Variants in DYM observed in about 807,000 individuals in gnomAD.
The protein encoded by DYM is dyggve-Melchior-Clausen syndrome protein.
A neutral mutation model predicts 93.1 loss-of-function variants in DYM; 78 were observed. The ratio of observed to expected loss-of-function variants is 0.84; its 90% CI spans 0.70 to 1.01. DYM has a LOEUF of 1.01. DYM is among the 50% of genes least tolerant of loss of function. DYM has a pLI of 0.00. For synonymous variants in DYM, 321 were observed against 319.7 expected (o/e 1.00, Z -0.04); for missense variants, 789 against 845.0 (o/e 0.93, Z 0.82).
chr18:49,213,551 G>C (rs901433397), intron 13 of DYM, among the ~76,000 whole-genome samples: 2 of 152,000 alleles, frequency 1.3e-5, no homozygotes, highest in African/African-American at 4.8e-5. Flanking sequence ...CCTGACCTCA[G>C]GCAATCCACC....
chr18:49,158,616 T>TA (rs1290003261), intron 15 of DYM, among the ~76,000 whole-genome samples: 2 of 152,172 alleles, frequency 1.3e-5, no homozygotes, highest in Non-Finnish European at 2.9e-5. Context: ...CAAGAACTAA[T>TA]ACCATTATTC....
intron 8 of DYM, among the ~76,000 whole-genome samples, chr18:49,295,574 A>C: frequency 6.6e-6 from 1 of 152,158 alleles, no homozygotes; most frequent in East Asian, 1.9e-4. Flanking sequence ...GATTGGAGGA[A>C]CTTTGGTCCC....
intron 14 of DYM, among the ~76,000 whole-genome samples, chr18:49,188,143 C>T (rs769577800): frequency 6.6e-6 from 1 of 152,166 alleles, no homozygotes; most frequent in African/African-American, 2.4e-5. Context: ...TCATTTTAAG[C>T]GTTCATTTGG....
At chr18:49,118,014 T>TG (rs1292044055) in intron 16 of DYM, among the ~76,000 whole-genome samples, 3 of 141,384 alleles carry the variant, frequency 2.1e-5, no homozygotes, top group Admixed American at 7.1e-5. Context: ...TTTTTTTTTT[T>TG]TTTTTTGTGT....
intron 1 of DYM, among the ~76,000 whole-genome samples, chr18:49,439,888 C>T (rs934356440): frequency 6.6e-6 from 1 of 151,776 alleles, no homozygotes; most frequent in Admixed American, 6.6e-5. Flanking sequence ...CCTGTAGTCC[C>T]AGCTACTCAG....
At chr18:49,317,680 CCTTCCTTCCTTTCTTT>C (rs2062112205) in intron 8 of DYM, among the ~76,000 whole-genome samples, 1 of 128,930 alleles carries the variant, frequency 7.8e-6, no homozygotes, top group South Asian at 2.8e-4. Context: ...TTCCTTCCTT[CCTTCCTTCCTTTCTTT>C]CTTTCTTTCA....
chr18:49,308,551 T>C (rs1053521626), intron 8 of DYM, among the ~76,000 whole-genome samples: 4 of 152,210 alleles, frequency 2.6e-5, no homozygotes, highest in African/African-American at 9.6e-5. Context: ...ATAATTTCTC[T>C]ACAATAAAGA....
intron 11 of DYM, among the ~76,000 whole-genome samples, chr18:49,262,982 C>T (rs2094513080): frequency 6.6e-6 from 1 of 152,206 alleles, no homozygotes; most frequent in South Asian, 2.1e-4. Flanking sequence ...ATTCCTGACT[C>T]TCCATATTCT....
chr18:49,180,523 TAAAG>T (rs980877297), intron 14 of DYM, among the ~76,000 whole-genome samples: 4 of 152,122 alleles, frequency 2.6e-5, no homozygotes, highest in Non-Finnish European at 5.9e-5. Context: ...TTAAGGAACT[TAAAG>T]AAAATTGATA....
chr18:49,353,935 A>C lies in DYM; in HGVS notation c.494+9226T>G, dbSNP rs1423863422. Among the ~76,000 whole-genome samples, 5 of 152,208 alleles carry C rather than the reference A, an allele frequency of 3.3e-5. No homozygotes were observed. In the East Asian group the frequency reaches 9.6e-4, roughly 29 times the overall value. On this transcript the variant is annotated intron_variant, in intron 6 of 17. Transcript: ENST00000675505. ...TGTAGTAACACAACAAACTGGTTCT[A>C]AAGTTATACAGAAAAGCAAAAGGCC...
intron 11 of DYM, among the ~76,000 whole-genome samples, chr18:49,258,821 C>CACACACACACACAG (rs796581808): frequency 8.2e-5 from 11 of 134,370 alleles, no homozygotes; most frequent in African/African-American, 2.8e-4. Context: ...CACACACACA[C>CACACACACACACAG]AGAGACACAC....
At chr18:49,434,188 C>A (rs2080601660) in intron 1 of DYM, among the ~76,000 whole-genome samples, 1 of 150,744 alleles carries the variant, frequency 6.6e-6, no homozygotes, top group Admixed American at 6.6e-5. Flanking sequence ...TACTAAAATA[C>A]AAAAAAAAAT....
intron 16 of DYM, among the ~76,000 whole-genome samples, chr18:49,105,828 G>A (rs1033442464): frequency 2.0e-5 from 3 of 152,164 alleles, no homozygotes; most frequent in Non-Finnish European, 2.9e-5. Context: ...TTACTTCCAA[G>A]TAAGTGGTCA....
At chr18:49,385,512 A>G (rs955106730) in intron 3 of DYM, among the ~76,000 whole-genome samples, 13 of 152,316 alleles carry the variant, frequency 8.5e-5, no homozygotes, top group African/African-American at 2.2e-4. Context: ...TCTCACTGAC[A>G]TGGTGAAACT....
At chr18:49,242,671 G>A (rs904302070) in intron 13 of DYM, among the ~76,000 whole-genome samples, 1 of 152,112 alleles carries the variant, frequency 6.6e-6, no homozygotes, top group African/African-American at 2.4e-5. Flanking sequence ...ACCCAAAAAC[G>A]TCAAGTTATA....
chr18:49,256,280 G>A (rs2094392900), intron 13 of DYM, among the ~76,000 whole-genome samples: 1 of 152,136 alleles, frequency 6.6e-6, no homozygotes, highest in South Asian at 2.1e-4. Context: ...CCTGGATCAG[G>A]AAGGGTCCAG....
chr18:49,224,071 G>A (rs544793455), intron 13 of DYM, among the ~76,000 whole-genome samples: 1 of 152,174 alleles, frequency 6.6e-6, no homozygotes, highest in African/African-American at 2.4e-5. Flanking sequence ...GCACTAAGGC[G>A]ATGATAAAGG....
intron 14 of DYM, among the ~76,000 whole-genome samples, chr18:49,201,823 G>C (rs1186411640): frequency 6.6e-6 from 1 of 152,194 alleles, no homozygotes; most frequent in Non-Finnish European, 1.5e-5. Context: ...TGTCAGAAGA[G>C]ATCGCTTTTT....
intron 16 of DYM, among the ~76,000 whole-genome samples, chr18:49,100,593 GCATT>G (rs2080035876): frequency 6.6e-6 from 1 of 152,084 alleles, no homozygotes; most frequent in East Asian, 1.9e-4. Flanking sequence ...TCATGTTTTT[GCATT>G]CAAACTCACA....
Sources: gnomAD v4.1 joint callset for allele counts (sites outside exome capture counted in the v4.1 genomes callset) on GRCh38, gnomAD v4.1.1 for gene constraint, MANE v1.5 for transcripts, NCBI Gene and HGNC (gene_info 2026-07-23, HGNC 2026-07-21) for gene names.